SAMD3: variants seen among roughly 807,000 people sequenced by gnomAD.
The protein encoded by SAMD3 is sterile alpha motif domain-containing protein 3.
Under a neutral mutation model 58.5 loss-of-function variants are expected in SAMD3, and 63 were observed. The observed-to-expected ratio is 1.08, with a 90% CI of 0.88 to 1.33. The LOEUF (loss-of-function observed/expected upper bound fraction) is 1.33. SAMD3 is among the 40% of genes most tolerant of loss of function. The probability of loss-of-function intolerance (pLI) is 0.00; values close to 1 mark genes in which losing one functional copy is unlikely to be tolerated. For missense variants in SAMD3, 604 were observed against 608.4 expected, an observed-to-expected ratio of 0.99 and a Z score of 0.08; for synonymous variants, 220 against 210.3, an observed-to-expected ratio of 1.05 and a Z score of -0.40.
At chr6:130,331,011 A>T (rs978613047) in intron 1 of SAMD3, among the ~76,000 whole-genome samples, 1 of 152,262 alleles carries the variant, frequency 6.6e-6, no homozygotes, top group African/African-American at 2.4e-5. Flanking sequence ...TTCTTAGAAT[A>T]TAAGCTGGTG....
intron 1 of SAMD3, among the ~76,000 whole-genome samples, chr6:130,357,440 A>G (rs12199266): frequency 0.18 from 26,998 of 152,054 alleles, 2,641 homozygotes; most frequent in East Asian, 0.36. Context: ...TTTTAATTTC[A>G]GTTAAAAAAA....
chr6:130,357,361 T>C (rs983880027), intron 1 of SAMD3, among the ~76,000 whole-genome samples: 2 of 151,986 alleles, frequency 1.3e-5, no homozygotes, highest in Admixed American at 1.3e-4. Flanking sequence ...CCTGACCTCA[T>C]GATCTGCCCG....
At chr6:130,313,716 T>C (rs532853430) in intron 1 of SAMD3, among the ~76,000 whole-genome samples, 2 of 152,186 alleles carry the variant, frequency 1.3e-5, no homozygotes, top group Admixed American at 6.5e-5. Flanking sequence ...GGGGTGTAAC[T>C]GAGCTTCACA....
chr6:130,265,670 C>T lies in SAMD3; in HGVS notation c.-187-42857G>A, dbSNP rs541406690. Among the ~76,000 whole-genome samples the T allele has an allele frequency of 1.0e-3, 152 of 152,164 alleles. 1 individual carries two copies. The highest frequency in any genetic ancestry group is 3.5e-3 in the African/African-American group (147 of 41,516). ...ATGACCAACCTAATGTGTGTTATGA[C>T]CCATCTGAGCCTCCCATGACCACAG... On this transcript the variant is annotated intron_variant, in intron 2 of 13. Coordinates refer to the SAMD3 transcript ENST00000368134.
intron 2 of SAMD3, among the ~76,000 whole-genome samples, chr6:130,243,080 G>A (rs756306786): frequency 7.2e-5 from 11 of 152,056 alleles, no homozygotes; most frequent in African/African-American, 1.7e-4. Flanking sequence ...TTGTTCCCCC[G>A]CTACAATCCC....
At chr6:130,332,627 T>G (rs1393053644) in intron 1 of SAMD3, among the ~76,000 whole-genome samples, 1 of 152,124 alleles carries the variant, frequency 6.6e-6, no homozygotes, top group African/African-American at 2.4e-5. Flanking sequence ...ATGGGGGAAT[T>G]TTGTGCTCTC....
At chr6:130,363,119 A>G (rs889467438) in intron 1 of SAMD3, among the ~76,000 whole-genome samples, 1 of 152,194 alleles carries the variant, frequency 6.6e-6, no homozygotes, top group African/African-American at 2.4e-5. Context: ...TAAGACTATC[A>G]ATCTATTTCA....
chr6:130,168,518 C>A (rs1344680338), intron 8 of SAMD3, among the ~76,000 whole-genome samples: 6 of 152,116 alleles, frequency 3.9e-5, no homozygotes, highest in African/African-American at 1.4e-4. Context: ...TCCCATCAGA[C>A]CACCAAAGGA....
intron 8 of SAMD3, chr6:130,162,199 A>G: frequency 1.4e-6 from 1 of 697,210 alleles, no homozygotes; most frequent in Non-Finnish European, 2.6e-6. Context: ...CTCCAACACC[A>G]CAGTAACCTA....
rs530036835 is a variant in SAMD3, at chr6:130,313,518, A to G, written c.-303-425T>C. ...GAAAATAAAAGTGCAGCTGTAAGCA[A>G]TCTGGGAGACAAAAGGAAAAGGGAC... On this transcript the variant is annotated intron_variant, in intron 1 of 13. Transcript: ENST00000368134. Among the ~76,000 whole-genome samples the G allele has an allele frequency of 5.3e-5, 8 of 152,336 alleles. No individual in the cohort carries two copies. In the South Asian group the frequency reaches 1.2e-3, roughly 24 times the overall value.
intron 5 of SAMD3, among the ~76,000 whole-genome samples, chr6:130,197,357 C>G (rs574500849): frequency 6.6e-6 from 1 of 152,352 alleles, no homozygotes; most frequent in East Asian, 1.9e-4. Context: ...CACCGTTTCT[C>G]CAAGCCATCA....
At chr6:130,242,276 T>C (rs1171589280) in intron 2 of SAMD3, among the ~76,000 whole-genome samples, 3 of 152,256 alleles carry the variant, frequency 2.0e-5, no homozygotes, top group Non-Finnish European at 4.4e-5. Context: ...TCTCAGCCAC[T>C]CAACTCTGCT....
At chr6:130,290,782 G>A (rs532028876) in intron 2 of SAMD3, among the ~76,000 whole-genome samples, 23 of 152,136 alleles carry the variant, frequency 1.5e-4, no homozygotes, top group Non-Finnish European at 2.9e-4. Flanking sequence ...AGATAGTATG[G>A]AGTAAATGTG....
chr6:130,263,606 G>A (rs530960915), intron 2 of SAMD3, among the ~76,000 whole-genome samples: 13 of 152,250 alleles, frequency 8.5e-5, no homozygotes, highest in African/African-American at 2.4e-4. Flanking sequence ...TTTCATCTAC[G>A]CTATTACTCT....
At chr6:130,219,628 T>G (rs897503332) in intron 1 of SAMD3, among the ~76,000 whole-genome samples, 3 of 152,218 alleles carry the variant, frequency 2.0e-5, no homozygotes, top group African/African-American at 7.2e-5. Context: ...AATAATAGTC[T>G]CCAATCTCAT....
Position 130,188,619 on chromosome 6 carries a change from A to G in SAMD3, c.384-3996T>C, listed in dbSNP as rs578217741. ...CTTTTCCCTAACCTCTCTTACCTCA[A>G]TCTCTTCCCAATCACCTCACCGGGA... On this transcript the variant is annotated intron_variant, in intron 5 of 11. Transcript: ENST00000439090. Among the ~76,000 whole-genome samples the G allele has an allele frequency of 1.3e-4, 20 of 152,096 alleles. No individual in the cohort carries two copies. The East Asian group carries it at 2.3e-3, about 18-fold the overall frequency.
At chr6:130,199,759 G>T (rs1277228724) in intron 5 of SAMD3, among the ~76,000 whole-genome samples, 1 of 152,168 alleles carries the variant, frequency 6.6e-6, no homozygotes, top group African/African-American at 2.4e-5. Flanking sequence ...AAACTATGAA[G>T]AAAATGCTGT....
In SAMD3 at chr6:130,299,566, ACAAAG is replaced by A. The variant is rs559770011; in HGVS notation, c.-188+13407_-188+13411del. ...ACCTAAAGGAACTAGATAAACAAAA[ACAAAG>A]CAAACACAAAGCTAACAGAAGAAAA... On this transcript the variant is annotated intron_variant, in intron 2 of 13. Coordinates refer to the SAMD3 transcript ENST00000368134. Among the ~76,000 whole-genome samples the A allele has an allele frequency of 7.0e-3, 1,072 of 152,248 alleles. 10 individuals carry two copies. The highest frequency in any genetic ancestry group is 0.017 in the Middle Eastern group (5 of 294).
intron 1 of SAMD3, among the ~76,000 whole-genome samples, chr6:130,354,851 T>C (rs6917875): frequency 0.47 from 71,220 of 151,980 alleles, 19,975 homozygotes; most frequent in African/African-American, 0.79. Flanking sequence ...GCATAGCTGA[T>C]GGTGCTAATT....
Sources: allele counts gnomAD v4.1 joint callset (sites outside exome capture counted in the v4.1 genomes callset), GRCh38; gene constraint gnomAD v4.1.1; transcripts MANE v1.5; gene names NCBI Gene and HGNC (gene_info 2026-07-23, HGNC 2026-07-21).